The following TASL variants were observed in gnomAD, a reference collection of about 807,000 sequenced individuals.
TASL encodes TLR adapter interacting with SLC15A4 on the lysosome.
In TASL, 6 loss-of-function variants were observed where a neutral mutation model predicts 12.9. The observed-to-expected ratio is 0.46, with a 90% confidence interval of 0.25 to 0.92. The LOEUF (loss-of-function observed/expected upper bound fraction) is 0.92, where lower values mean the gene tolerates loss of function less well. Ranked by LOEUF, TASL falls within the 40% of genes least tolerant of loss-of-function variation. The pLI, the probability that TASL is intolerant of heterozygous loss-of-function variation, is 0.17. For missense variants in TASL, 165 were observed against 212.8 expected (o/e 0.78, Z 1.40); for synonymous variants, 85 against 79.3 (o/e 1.07, Z -0.38).
intron 2 of TASL, among the ~76,000 whole-genome samples, chrX:30,571,308 A>AAGAAAGAAAGAAAGAAAGAAAGAC (rs1569306192): frequency 2.9e-5 from 3 of 103,028 alleles, no homozygotes; most frequent in African/African-American, 1.1e-4. Flanking sequence ...GAAAGAAAGA[A>AAGAAAGAAAGAAAGAAAGAAAGAC]AGAAAGAAAG....
intron 2 of TASL, among the ~76,000 whole-genome samples, chrX:30,570,434 T>C (rs1930576553): frequency 9.0e-6 from 1 of 111,521 alleles, no homozygotes. Flanking sequence ...ACTAAATTAA[T>C]TGATCATCAC....
At chrX:30,572,881 A>T (rs1930648564) in intron 2 of TASL, among the ~76,000 whole-genome samples, 1 of 111,840 alleles carries the variant, frequency 8.9e-6, no homozygotes, top group Non-Finnish European at 1.9e-5. Context: ...AAAGTTTACA[A>T]AAACAAGCAG....
At chrX:30,565,361 C>T (rs182659229) in intron 2 of TASL, among the ~76,000 whole-genome samples, 402 of 112,171 alleles carry the variant, frequency 3.6e-3, no homozygotes, top group African/African-American at 0.012. Flanking sequence ...GGCAACCAGG[C>T]TGATTAGAAC....
intron 2 of TASL, among the ~76,000 whole-genome samples, chrX:30,571,956 C>G (rs898700165): frequency 9.1e-5 from 10 of 110,011 alleles, no homozygotes; most frequent in African/African-American, 3.3e-4. Context: ...CACTTGAATT[C>G]TTGTTTCTCA....
At chrX:30,570,469 T>TA (rs1930576998) in intron 2 of TASL, among the ~76,000 whole-genome samples, 1 of 111,634 alleles carries the variant, frequency 9.0e-6, no homozygotes, top group Non-Finnish European at 1.9e-5. Context: ...ATTTAGGTAC[T>TA]ATTATTATGC....
intron 2 of TASL, among the ~76,000 whole-genome samples, chrX:30,569,095 G>A (rs748909129): frequency 9.0e-6 from 1 of 111,083 alleles, no homozygotes; most frequent in African/African-American, 3.3e-5. Context: ...GCACTGCAAC[G>A]TTCTGGCAGG....
intron 2 of TASL, among the ~76,000 whole-genome samples, chrX:30,569,975 G>A (rs1286480177): frequency 2.8e-5 from 3 of 108,676 alleles, no homozygotes; most frequent in South Asian, 4.0e-4. Context: ...CCCAGATAGC[G>A]CCACTGCACT....
chrX:30,564,995 C>T (rs755888737), intron 2 of TASL, among the ~76,000 whole-genome samples: 16 of 111,907 alleles, frequency 1.4e-4, no homozygotes, highest in Non-Finnish European at 2.6e-4. Flanking sequence ...TCTCACACTT[C>T]TAGTATTCAG....
At chrX:30,563,131 A>G (rs1482624469) in intron 2 of TASL, among the ~76,000 whole-genome samples, 1 of 111,473 alleles carries the variant, frequency 9.0e-6, no homozygotes, top group Non-Finnish European at 1.9e-5. Flanking sequence ...GTGTCGTGGG[A>G]GGGACCATGT....
chrX:30,560,338 A>G lies in TASL; in HGVS notation c.18T>C (p.Tyr6=), dbSNP rs1327151180. Residue 6 remains tyrosine, a synonymous_variant, in exon 3 of 3, where the codon TAT becomes TAC. Transcript: ENST00000378962. ...CATTCCAGTACTCAAGTCCACTGAG[A>G]TACCCTTCTGACAGCATTCTGGAAA... The part of the protein sequence containing the change: MLSEG[Y]LSGLEYWNDI... 8.5e-7 allele frequency: 1 copy of G among 1,181,793 alleles called. No individual in the cohort carries two copies. The highest frequency in any genetic ancestry group is 1.9e-5 in the South Asian group (1 of 52,402).
intron 2 of TASL, among the ~76,000 whole-genome samples, chrX:30,568,228 G>T (rs1182890536): frequency 3.7e-5 from 4 of 109,189 alleles, no homozygotes; most frequent in Non-Finnish European, 7.6e-5. Context: ...ACAGAGTGAG[G>T]CTCTGTCTCA....
intron 2 of TASL, among the ~76,000 whole-genome samples, chrX:30,565,061 C>T (rs909243289): frequency 1.8e-5 from 2 of 111,826 alleles, no homozygotes; most frequent in African/African-American, 6.5e-5. Context: ...TGCACAGGCT[C>T]CTCCCCAAAT....
intron 2 of TASL, among the ~76,000 whole-genome samples, chrX:30,573,305 G>A (rs138800090): frequency 1.5e-3 from 167 of 112,063 alleles, no homozygotes; most frequent in African/African-American, 4.6e-3. Context: ...ATAATAACAC[G>A]CAATTAGTCC....
Position 30,559,184 on chromosome X carries a change from G to A in TASL, c.*266C>T, listed in dbSNP as rs982853624. The A allele has an allele frequency of 7.2e-5, 18 of 251,526 alleles. No homozygotes were observed. Among genetic ancestry groups the A allele is most frequent in the Non-Finnish European group, 1.1e-4 (16 of 142,360 alleles). 20.7% of individuals were successfully genotyped at this position (251,526 alleles called of 1,213,427 possible). A position where few individuals can be genotyped will look rare whatever the true frequency, so the allele number is the denominator to read the frequency against. ...CTATGTTTCTTCAAATGAATTAACC[G>A]TTTCTTTTTTGATCATTTTTATTTT... On this transcript the variant is annotated 3_prime_UTR_variant, in exon 3 of 3. Transcript: ENST00000378962.
chrX:30,577,508 G>A (rs924008209), intron 1 of TASL, 130 bp downstream of exon 1: 1 of 112,218 alleles, frequency 8.9e-6, no homozygotes, highest in Non-Finnish European at 1.9e-5. Context: ...GATATGGTAA[G>A]CTAGAAAAGC....
At chrX:30,577,084 C>A (rs1489974791) in intron 1 of TASL, among the ~76,000 whole-genome samples, 1 of 111,897 alleles carries the variant, frequency 8.9e-6, no homozygotes, top group Non-Finnish European at 1.9e-5. Flanking sequence ...CACTATAGAT[C>A]GCATTCATTT....
At chrX:30,564,926 A>T (rs1930478182) in intron 2 of TASL, among the ~76,000 whole-genome samples, 2 of 111,743 alleles carry the variant, frequency 1.8e-5, no homozygotes, top group African/African-American at 6.5e-5. Context: ...CAACAGGGTA[A>T]GGAGTTCTAG....
Position 30,560,191 on chromosome X carries a change from G to A in TASL, c.165C>T (p.Tyr55=), listed in dbSNP as rs138820651. The part of the protein sequence containing the change: ...SVDETQVRSL[Y]VSCKSSGKFI... ...ACTTGCCAGATGATTTGCAGCTCACGTAGAGACTTCTGACTTGTGTTTCAT... is the reference window on the plus strand; with the variant it reads ...ACTTGCCAGATGATTTGCAGCTCACATAGAGACTTCTGACTTGTGTTTCAT... The change falls in exon 3 of 3, where the codon TAC becomes TAT. Residue 55 remains tyrosine, a synonymous_variant. Coordinates refer to ENST00000378962, the MANE Select transcript of TASL (RefSeq NM_025159.3). 8.5e-5 allele frequency: 103 copies of A among 1,209,175 alleles called. No individual in the cohort carries two copies. Among genetic ancestry groups the A allele is most frequent in the Non-Finnish European group, 1.1e-4 (96 of 894,918 alleles).
intron 2 of TASL, among the ~76,000 whole-genome samples, chrX:30,561,603 G>A (rs1411271364): frequency 3.6e-5 from 4 of 111,667 alleles, no homozygotes; most frequent in African/African-American, 1.3e-4. Context: ...TTTAAAAATT[G>A]TTAACATCTC....
Sources: allele counts gnomAD v4.1 joint callset (sites outside exome capture counted in the v4.1 genomes callset), GRCh38; gene constraint gnomAD v4.1.1; transcripts MANE v1.5; gene names NCBI Gene and HGNC (gene_info 2026-07-23, HGNC 2026-07-21).